The following CADM2 variants were observed in gnomAD, a reference collection of about 807,000 sequenced individuals.
CADM2 encodes cell adhesion molecule 2.
Under a neutral mutation model 49.8 loss-of-function variants are expected in CADM2, and 12 were observed. That is an observed-to-expected ratio of 0.24 (90% CI 0.15 to 0.39). The LOEUF (loss-of-function observed/expected upper bound fraction) is 0.39, where lower values mean the gene tolerates loss of function less well. CADM2 is among the 10% of genes least tolerant of loss of function. The pLI is 1.00. For missense variants in CADM2, 378 were observed against 492.3 expected, an observed-to-expected ratio of 0.77 and a Z score of 2.20; for synonymous variants, 214 against 175.4, an observed-to-expected ratio of 1.22 and a Z score of -1.74.
chr3:85,662,877 T>C (rs2065452352), intron 1 of CADM2, among the ~76,000 whole-genome samples: 1 of 152,088 alleles, frequency 6.6e-6, no homozygotes. Context: ...ATTTTATTTC[T>C]GGAAAATTCA....
At chr3:85,264,852 A>G (rs2043088109) in intron 1 of CADM2, among the ~76,000 whole-genome samples, 1 of 152,042 alleles carries the variant, frequency 6.6e-6, no homozygotes, top group African/African-American at 2.4e-5. Context: ...GTTATGTTTG[A>G]CAAGAAGTTG....
intron 1 of CADM2, among the ~76,000 whole-genome samples, chr3:85,683,446 A>G (rs1481106880): frequency 1.3e-5 from 2 of 152,178 alleles, no homozygotes; most frequent in Admixed American, 1.3e-4. Context: ...TAGAACCCTT[A>G]GTGGAAATCT....
At chr3:85,750,650 G>A (rs987079819) in intron 2 of CADM2, among the ~76,000 whole-genome samples, 2 of 152,000 alleles carry the variant, frequency 1.3e-5, no homozygotes, top group African/African-American at 2.4e-5. Flanking sequence ...CTTTAGTGGG[G>A]CATTTTTATT....
At chr3:85,427,674 C>A (rs2036476988) in intron 1 of CADM2, among the ~76,000 whole-genome samples, 1 of 152,050 alleles carries the variant, frequency 6.6e-6, no homozygotes, top group South Asian at 2.1e-4. Flanking sequence ...TATCTTCCAG[C>A]AGTTTATGAA....
chr3:85,933,028 C>T (rs1054146972), intron 6 of CADM2, among the ~76,000 whole-genome samples: 3 of 152,122 alleles, frequency 2.0e-5, no homozygotes, highest in Non-Finnish European at 2.9e-5. Context: ...TCCTGTACTG[C>T]TTAAACTAAA....
At chr3:85,153,533 G>A (rs1575993680) in intron 1 of CADM2, among the ~76,000 whole-genome samples, 1 of 152,304 alleles carries the variant, frequency 6.6e-6, no homozygotes. Context: ...CCATTGCCCA[G>A]GCTTGCTTAG....
intron 1 of CADM2, among the ~76,000 whole-genome samples, chr3:85,304,052 A>G (rs575543906): frequency 6.6e-6 from 1 of 151,994 alleles, no homozygotes; most frequent in South Asian, 2.1e-4. Context: ...ACTTTTAAAG[A>G]CACAAATATT....
chr3:85,757,350 G>C (rs556720269), intron 2 of CADM2, among the ~76,000 whole-genome samples: 2 of 152,074 alleles, frequency 1.3e-5, no homozygotes, highest in South Asian at 2.1e-4. Flanking sequence ...TTAAGTTCTT[G>C]GTTTAGAGAA....
At chr3:85,557,660 A>C (rs1236680091) in intron 1 of CADM2, among the ~76,000 whole-genome samples, 1 of 152,042 alleles carries the variant, frequency 6.6e-6, no homozygotes, top group East Asian at 1.9e-4. Context: ...TGTTGTGATA[A>C]GTATATTAAC....
intron 1 of CADM2, among the ~76,000 whole-genome samples, chr3:85,338,112 G>T (rs2045140204): frequency 6.7e-6 from 1 of 150,094 alleles, no homozygotes; most frequent in Non-Finnish European, 1.5e-5. Context: ...TTCCTTATCA[G>T]ACTGAATTAA....
At chr3:85,629,856 C>A (rs1392509468) in intron 1 of CADM2, among the ~76,000 whole-genome samples, 1 of 151,938 alleles carries the variant, frequency 6.6e-6, no homozygotes, top group Non-Finnish European at 1.5e-5. Flanking sequence ...ACTCTGTTTT[C>A]TTAAACTTCT....
At chr3:85,052,647 T>C (rs113434244) in intron 1 of CADM2, among the ~76,000 whole-genome samples, 5 of 152,106 alleles carry the variant, frequency 3.3e-5, no homozygotes, top group South Asian at 2.1e-4. Context: ...AGAGAAGTCA[T>C]TTTTATAAGG....
At chr3:85,900,578 C>T (rs1310817633) in intron 5 of CADM2, among the ~76,000 whole-genome samples, 4 of 152,056 alleles carry the variant, frequency 2.6e-5, no homozygotes, top group African/African-American at 7.2e-5. Flanking sequence ...AAGGAATTGA[C>T]CAAAGAAATT....
chr3:85,445,717 G>T (rs2037417578), intron 1 of CADM2, among the ~76,000 whole-genome samples: 2 of 152,074 alleles, frequency 1.3e-5, no homozygotes, highest in Non-Finnish European at 2.9e-5. Flanking sequence ...GAAATAAAGA[G>T]ATGATTACTC....
chr3:85,850,314 C>CTTTT (rs577604958), intron 3 of CADM2, among the ~76,000 whole-genome samples: 8 of 76,060 alleles, frequency 1.1e-4, no homozygotes, highest in South Asian at 4.9e-4. Context: ...TGTTGCAATT[C>CTTTT]TTTTTTTTTT....
rs2068401106 is a variant in CADM2 at position 85,741,725 on chromosome 3, T to C, written c.88+15177T>C. Among the ~76,000 whole-genome samples, 4 of 152,222 alleles carry C rather than the reference T, an allele frequency of 2.6e-5. No homozygotes were observed. In the South Asian group the frequency reaches 8.3e-4, roughly 31 times the overall value. Reference sequence around the variant, plus strand: ...CATATCTGTTCCACTACCACCTTTATTATTCAAACTGAGATTTAAAAATCA... The same window carrying C: ...CATATCTGTTCCACTACCACCTTTACTATTCAAACTGAGATTTAAAAATCA... On this transcript the variant is annotated intron_variant, in intron 2 of 9. Transcript: ENST00000383699.
intron 1 of CADM2, among the ~76,000 whole-genome samples, chr3:85,589,092 G>A (rs182948799): frequency 2.0e-5 from 3 of 151,970 alleles, no homozygotes; most frequent in African/African-American, 4.8e-5. Flanking sequence ...CCTTAGAAAA[G>A]ATTTTGATAA....
chr3:85,671,198 T>C (rs928112126), intron 1 of CADM2, among the ~76,000 whole-genome samples: 6 of 152,192 alleles, frequency 3.9e-5, no homozygotes, highest in African/African-American at 9.7e-5. Context: ...TTTACACTTA[T>C]AATAAATCTT....
At chr3:85,546,954 GTATT>G (rs2061681169) in intron 1 of CADM2, among the ~76,000 whole-genome samples, 1 of 151,864 alleles carries the variant, frequency 6.6e-6, no homozygotes, top group Admixed American at 6.6e-5. Context: ...TCTACAGAAA[GTATT>G]TGTTTTTATT....
Sources: gnomAD v4.1 joint callset for allele counts (sites outside exome capture counted in the v4.1 genomes callset) on GRCh38, gnomAD v4.1.1 for gene constraint, MANE v1.5 for transcripts, NCBI Gene and HGNC (gene_info 2026-07-23, HGNC 2026-07-21) for gene names.